The following LHFPL3 variants were observed in gnomAD, a reference collection of about 807,000 sequenced individuals.
LHFPL3 encodes the protein LHFPL tetraspan subfamily member 3.
LHFPL3 carries 5 observed loss-of-function variants against 19.3 expected under a neutral mutation model. That is an observed-to-expected ratio of 0.26 (90% CI 0.14 to 0.54). LHFPL3 has a LOEUF of 0.54. Ranked by LOEUF, LHFPL3 falls within the 20% of genes least tolerant of loss-of-function variation. The pLI is 0.94. For missense variants in LHFPL3, 249 were observed against 307.4 expected, an observed-to-expected ratio of 0.81 and a Z score of 1.42; for synonymous variants, 133 against 126.2, an observed-to-expected ratio of 1.05 and a Z score of -0.36.
chr7:104,365,787 C>CAAAAAAAAAA (rs571171040), intron 1 of LHFPL3, among the ~76,000 whole-genome samples: 7 of 49,968 alleles, frequency 1.4e-4, no homozygotes, highest in African/African-American at 5.8e-4. Context: ...GACTCCGTCT[C>CAAAAAAAAAA]AAAAAAAAAA....
chr7:104,738,847 G>A (rs1220873150), intron 2 of LHFPL3: 1 of 152,068 alleles, frequency 6.6e-6, no homozygotes, highest in African/African-American at 2.4e-5. Flanking sequence ...AAACCACCTT[G>A]CTATAACTTT....
At chr7:104,666,402 C>A (rs1163127958) in intron 1 of LHFPL3, among the ~76,000 whole-genome samples, 1 of 151,544 alleles carries the variant, frequency 6.6e-6, no homozygotes, top group Non-Finnish European at 1.5e-5. Flanking sequence ...TTTTTAGCTC[C>A]CATATATGAG....
intron 1 of LHFPL3, among the ~76,000 whole-genome samples, chr7:104,585,068 G>A (rs1228974205): frequency 2.6e-5 from 4 of 152,040 alleles, no homozygotes; most frequent in African/African-American, 9.7e-5. Flanking sequence ...GCCATGATTG[G>A]CACTTTTTCC....
At chr7:104,386,172 A>C (rs74759531) in intron 1 of LHFPL3, among the ~76,000 whole-genome samples, 3 of 152,214 alleles carry the variant, frequency 2.0e-5, no homozygotes, top group African/African-American at 7.2e-5. Flanking sequence ...CAGCAGCCTA[A>C]CAGCCACTGG....
rs1333452157 is a variant in LHFPL3, at chr7:104,661,622, C to T, written c.446-75053C>T. On this transcript the variant is annotated intron_variant, in intron 1 of 2. Transcript: ENST00000424859. ...TGTGTTTCCTTCATAATACAGTAGT[C>T]CCTCCTTACCCCAGGGAAATACTTT... 2.6e-5 allele frequency among the ~76,000 whole-genome samples: 4 copies of T among 152,136 alleles called. No individual in the cohort carries two copies. The East Asian group carries it at 7.7e-4, about 29-fold the overall frequency.
chr7:104,377,072 A>C (rs185032190), intron 1 of LHFPL3, among the ~76,000 whole-genome samples: 4 of 152,326 alleles, frequency 2.6e-5, no homozygotes, highest in Admixed American at 2.0e-4. Flanking sequence ...TCCAGTCCCA[A>C]CTAACTCCAT....
intron 2 of LHFPL3, among the ~76,000 whole-genome samples, chr7:104,861,088 T>C (rs1159555419): frequency 6.6e-6 from 1 of 152,190 alleles, no homozygotes; most frequent in Non-Finnish European, 1.5e-5. Context: ...GAATTCTCCA[T>C]TTTGTTGTTG....
At chr7:104,617,001 A>G (rs1267267831) in intron 1 of LHFPL3, among the ~76,000 whole-genome samples, 1 of 152,214 alleles carries the variant, frequency 6.6e-6, no homozygotes, top group Non-Finnish European at 1.5e-5. Flanking sequence ...TCAAGAAACA[A>G]CAGATGCTGG....
At chr7:104,378,255 G>A (rs1015904171) in intron 1 of LHFPL3, among the ~76,000 whole-genome samples, 1 of 152,144 alleles carries the variant, frequency 6.6e-6, no homozygotes, top group Non-Finnish European at 1.5e-5. Flanking sequence ...GACCTCAGGC[G>A]ACTTCTGTCA....
intron 1 of LHFPL3, among the ~76,000 whole-genome samples, chr7:104,352,092 G>T (rs1484657644): frequency 6.6e-6 from 1 of 151,752 alleles, no homozygotes; most frequent in Non-Finnish European, 1.5e-5. Flanking sequence ...TTGAGCTCAG[G>T]ATTTGGAGGC....
At chr7:104,791,450 C>T (rs887198700) in intron 2 of LHFPL3, among the ~76,000 whole-genome samples, 1 of 152,230 alleles carries the variant, frequency 6.6e-6, no homozygotes, top group Non-Finnish European at 1.5e-5. Context: ...TCTCCTTTTG[C>T]ATCACAGACT....
At chr7:104,595,108 G>A (rs1452115313) in intron 1 of LHFPL3, among the ~76,000 whole-genome samples, 1 of 152,182 alleles carries the variant, frequency 6.6e-6, no homozygotes, top group Non-Finnish European at 1.5e-5. Flanking sequence ...AACCTTTCGA[G>A]GAGAAGAGGC....
rs191445557 is a variant in LHFPL3 at position 104,517,753 on chromosome 7, C to T, written c.445+188529C>T. Among the ~76,000 whole-genome samples, 8 of 152,154 alleles carry T rather than the reference C, an allele frequency of 5.3e-5. No individual in the cohort carries two copies. In the East Asian group the frequency reaches 1.5e-3, roughly 29 times the overall value. On this transcript the variant is annotated intron_variant, in intron 1 of 2. Coordinates refer to ENST00000424859, the MANE Select transcript of LHFPL3 (RefSeq NM_199000.3). Reference sequence around the variant, plus strand: ...AAACTCCTGACCTCAGGTGATCTACCCACCTTGGCCTCCCAAAGTGCTGGG... The same window carrying T: ...AAACTCCTGACCTCAGGTGATCTACTCACCTTGGCCTCCCAAAGTGCTGGG...
intron 2 of LHFPL3, among the ~76,000 whole-genome samples, chr7:104,880,384 G>A (rs1471916693): frequency 6.6e-6 from 1 of 152,032 alleles, no homozygotes; most frequent in Non-Finnish European, 1.5e-5. Flanking sequence ...TGCTTGTACA[G>A]CCTGCAGAAC....
chr7:104,727,648 C>T (rs1156822446), intron 1 of LHFPL3, among the ~76,000 whole-genome samples: 1 of 152,036 alleles, frequency 6.6e-6, no homozygotes, highest in Non-Finnish European at 1.5e-5. Context: ...AGATGGCTTG[C>T]TCTGTGGAGG....
At chr7:104,482,182 C>T (rs1456818099) in intron 1 of LHFPL3, among the ~76,000 whole-genome samples, 1 of 152,232 alleles carries the variant, frequency 6.6e-6, no homozygotes, top group Non-Finnish European at 1.5e-5. Flanking sequence ...GGAAATCCCA[C>T]TGAGGTCGGA....
chr7:104,894,454 A>T (rs1415604693), intron 2 of LHFPL3, among the ~76,000 whole-genome samples: 2 of 152,216 alleles, frequency 1.3e-5, no homozygotes, highest in Non-Finnish European at 2.9e-5. Flanking sequence ...CATTTAACTC[A>T]GAGCATGACC....
intron 2 of LHFPL3, among the ~76,000 whole-genome samples, chr7:104,795,454 C>T (rs1292210074): frequency 1.3e-5 from 2 of 152,148 alleles, no homozygotes; most frequent in African/African-American, 4.8e-5. Context: ...GACAGCGATT[C>T]TTCTAACAGT....
chr7:104,471,399 T>A (rs1438686181), intron 1 of LHFPL3, among the ~76,000 whole-genome samples: 3 of 152,254 alleles, frequency 2.0e-5, no homozygotes, highest in Non-Finnish European at 4.4e-5. Context: ...TCTATGACCA[T>A]GTGCTTATAG....
Sources: allele counts gnomAD v4.1 joint callset (sites outside exome capture counted in the v4.1 genomes callset), GRCh38; gene constraint gnomAD v4.1.1; transcripts MANE v1.5; gene names NCBI Gene and HGNC (gene_info 2026-07-23, HGNC 2026-07-21).